The following F13A1 variants were observed in gnomAD, a reference collection of about 807,000 sequenced individuals.
F13A1 encodes the protein FSF, A subunit.
F13A1 carries 47 observed loss-of-function variants against 80.1 expected under a neutral mutation model. The ratio of observed to expected loss-of-function variants is 0.59; its 90% CI spans 0.46 to 0.75. The LOEUF is 0.75. Among genes scored for constraint, F13A1 ranks in the 30% least tolerant of loss-of-function variants. The pLI, the probability that F13A1 is intolerant of heterozygous loss-of-function variation, is 0.00. For missense variants in F13A1, 817 were observed against 930.4 expected, an observed-to-expected ratio of 0.88 and a Z score of 1.59; for synonymous variants, 349 against 344.9, an observed-to-expected ratio of 1.01 and a Z score of -0.13.
intron 2 of F13A1, 50 bp downstream of exon 2, chr6:6,318,485 C>T (rs574779002): frequency 1.9e-6 from 3 of 1,577,456 alleles, no homozygotes; most frequent in South Asian, 1.2e-5. Flanking sequence ...GGGGCCAGGG[C>T]CCGGCTGTGC....
chr6:6,156,390 T>C (rs1054106585), intron 13 of F13A1, among the ~76,000 whole-genome samples: 1 of 152,196 alleles, frequency 6.6e-6, no homozygotes, highest in African/African-American at 2.4e-5. Flanking sequence ...GCATATGCTT[T>C]AAAAATACAT....
intron 2 of F13A1, among the ~76,000 whole-genome samples, chr6:6,310,606 C>T (rs1456544753): frequency 1.3e-5 from 2 of 152,168 alleles, no homozygotes; most frequent in Non-Finnish European, 1.5e-5. Flanking sequence ...CCAACTCTCA[C>T]GTACTGTCTT....
chr6:6,152,998 A>G (rs6936882), intron 13 of F13A1, among the ~76,000 whole-genome samples: 32,715 of 152,236 alleles, frequency 0.21, 3,612 homozygotes, highest in Middle Eastern at 0.28. Flanking sequence ...GCAAAGGCCC[A>G]ATGCATTACA....
At chr6:6,267,972 C>T (rs1757868557) in intron 3 of F13A1, among the ~76,000 whole-genome samples, 1 of 152,152 alleles carries the variant, frequency 6.6e-6, no homozygotes, top group African/African-American at 2.4e-5. Context: ...CACTAGTTTC[C>T]ACTGTTACAC....
chr6:6,242,812 T>C (rs955816682), intron 6 of F13A1, among the ~76,000 whole-genome samples: 19 of 152,344 alleles, frequency 1.2e-4, no homozygotes, highest in Admixed American at 7.2e-4. Context: ...GGTTAATTAC[T>C]GTGGGACCTC....
intron 3 of F13A1, among the ~76,000 whole-genome samples, chr6:6,279,640 G>A (rs1758034499): frequency 6.6e-6 from 1 of 152,106 alleles, no homozygotes; most frequent in African/African-American, 2.4e-5. Context: ...CAGAACACAT[G>A]CCGTAAAGAA....
intron 6 of F13A1, among the ~76,000 whole-genome samples, chr6:6,239,437 T>C (rs1757456913): frequency 6.6e-6 from 1 of 152,124 alleles, no homozygotes; most frequent in Non-Finnish European, 1.5e-5. Flanking sequence ...TTAATATCCA[T>C]GATTTTTTAC....
intron 8 of F13A1, among the ~76,000 whole-genome samples, chr6:6,210,651 C>A (rs1761591234): frequency 6.6e-6 from 1 of 151,946 alleles, no homozygotes; most frequent in South Asian, 2.1e-4. Flanking sequence ...GCCTCAGCCT[C>A]CTAAATTGCT....
intron 6 of F13A1, among the ~76,000 whole-genome samples, chr6:6,227,575 T>C (rs1365793642): frequency 6.6e-6 from 1 of 152,206 alleles, no homozygotes. Flanking sequence ...GATTGAAGAA[T>C]GCCTTGGTAG....
chr6:6,269,386 T>C (rs758582185), intron 3 of F13A1, among the ~76,000 whole-genome samples: 13 of 152,132 alleles, frequency 8.5e-5, no homozygotes, highest in South Asian at 2.1e-4. Context: ...GGTTTACCAA[T>C]TGCCAACAAA....
intron 2 of F13A1, among the ~76,000 whole-genome samples, chr6:6,315,231 T>C (rs1055033027): frequency 6.6e-6 from 1 of 152,110 alleles, no homozygotes; most frequent in African/African-American, 2.4e-5. Flanking sequence ...AGTGGAGAGA[T>C]TTTTCAGAAA....
chr6:6,220,398 T>G (rs957958265), intron 8 of F13A1, among the ~76,000 whole-genome samples: 4 of 152,196 alleles, frequency 2.6e-5, no homozygotes, highest in Non-Finnish European at 4.4e-5. Context: ...GGGCAAGATC[T>G]ACCTTCGCTA....
At chr6:6,268,687 ATTTTTTTTT>A (rs71540894) in intron 3 of F13A1, among the ~76,000 whole-genome samples, 1 of 137,366 alleles carries the variant, frequency 7.3e-6, no homozygotes, top group Non-Finnish European at 1.6e-5. Flanking sequence ...GGGGGCACTC[ATTTTTTTTT>A]TTTTTTTTTG....
intron 8 of F13A1, among the ~76,000 whole-genome samples, chr6:6,211,991 C>G (rs1761623637): frequency 6.6e-6 from 1 of 152,218 alleles, no homozygotes; most frequent in African/African-American, 2.4e-5. Flanking sequence ...AACGGCACAC[C>G]AGGAGATTAT....
At chr6:6,307,612 G>A (rs537625735) in intron 2 of F13A1, among the ~76,000 whole-genome samples, 2 of 152,048 alleles carry the variant, frequency 1.3e-5, no homozygotes, top group South Asian at 4.2e-4. Context: ...TCAGTTCTCC[G>A]TTTACCAGCA....
intron 6 of F13A1, among the ~76,000 whole-genome samples, chr6:6,239,470 TA>T (rs138990273): frequency 0.026 from 3,950 of 151,972 alleles, 175 homozygotes; most frequent in African/African-American, 0.09. Flanking sequence ...TTACTTCAAT[TA>T]AAAAAAATCC....
At chr6:6,306,856 A>T (rs1169899313) in intron 2 of F13A1, among the ~76,000 whole-genome samples, 1 of 152,200 alleles carries the variant, frequency 6.6e-6, no homozygotes, top group Non-Finnish European at 1.5e-5. Context: ...CCACACATAA[A>T]TCCTGTGCAG....
chr6:6,178,598 G>A (rs925155502), intron 11 of F13A1, among the ~76,000 whole-genome samples: 1 of 152,056 alleles, frequency 6.6e-6, no homozygotes, highest in Non-Finnish European at 1.5e-5. Context: ...ATGGGGTGAT[G>A]GTACATATGT....
chr6:6,265,337 A>G (rs775561945), intron 4 of F13A1, among the ~76,000 whole-genome samples: 2 of 152,176 alleles, frequency 1.3e-5, no homozygotes, highest in Non-Finnish European at 2.9e-5. Flanking sequence ...CTCCTGCCCC[A>G]TGTGAGCTTT....
Sources: allele counts gnomAD v4.1 joint callset (sites outside exome capture counted in the v4.1 genomes callset), GRCh38; gene constraint gnomAD v4.1.1; transcripts MANE v1.5; gene names NCBI Gene and HGNC (gene_info 2026-07-23, HGNC 2026-07-21).